NBEA: variants seen among roughly 807,000 people sequenced by gnomAD.
The protein encoded by NBEA is neurobeachin, also known as lysosomal-trafficking regulator 2.
NBEA carries 44 observed loss-of-function variants against 343.4 expected under a neutral mutation model. The observed-to-expected ratio is 0.13, with a 90% CI of 0.10 to 0.16. The LOEUF is 0.16. Ranked by LOEUF, NBEA falls within the 10% of genes least tolerant of loss-of-function variation. The probability of loss-of-function intolerance (pLI) is 1.00; values close to 1 mark genes in which losing one functional copy is unlikely to be tolerated. For missense variants in NBEA, 2,555 were observed against 3,631.3 expected (o/e 0.70, Z 7.62); for synonymous variants, 1,175 against 1,238.7 (o/e 0.95, Z 1.08).
At chr13:35,029,023 A>C (rs2062110096) in intron 1 of NBEA, among the ~76,000 whole-genome samples, 1 of 151,642 alleles carries the variant, frequency 6.6e-6, no homozygotes, top group Non-Finnish European at 1.5e-5. Context: ...ATTTTTAATA[A>C]TTAAGACTGT....
intron 10 of NBEA, among the ~76,000 whole-genome samples, chr13:35,084,532 A>G (rs2064622152): frequency 6.6e-6 from 1 of 152,208 alleles, no homozygotes; most frequent in Non-Finnish European, 1.5e-5. Flanking sequence ...CTTTGAAACC[A>G]ACGAGGACAA....
chr13:35,387,693 G>A (rs1035934150), intron 38 of NBEA, among the ~76,000 whole-genome samples: 5 of 152,022 alleles, frequency 3.3e-5, no homozygotes, highest in African/African-American at 1.2e-4. Context: ...GCCTGAAAAG[G>A]TATTGATTGT....
At chr13:35,665,874 C>A (rs1253284642) in intron 56 of NBEA, among the ~76,000 whole-genome samples, 2 of 152,130 alleles carry the variant, frequency 1.3e-5, no homozygotes, top group Non-Finnish European at 2.9e-5. Context: ...GTGATCCACC[C>A]ACCTCAGCCT....
intron 47 of NBEA, among the ~76,000 whole-genome samples, chr13:35,599,252 G>A (rs1299477611): frequency 2.0e-5 from 3 of 152,084 alleles, no homozygotes; most frequent in Non-Finnish European, 4.4e-5. Flanking sequence ...TATTACTTTA[G>A]CACTCCACTT....
At position 34,986,188 on chromosome 13, in the gene NBEA, C is replaced by T. The variant is rs185558658; in HGVS notation, c.294+43074C>T. Reference sequence around the variant, plus strand: ...TGGGCATTTAGTGCTATAAATTTCCCTCTACACACTGCTTTAAATGTGCCA... The same window carrying T: ...TGGGCATTTAGTGCTATAAATTTCCTTCTACACACTGCTTTAAATGTGCCA... On this transcript the variant is annotated intron_variant, in intron 1 of 58. Transcript: ENST00000379939. 5.3e-5 allele frequency among the ~76,000 whole-genome samples: 8 copies of T among 150,746 alleles called. 1 individual carries two copies. The highest frequency in any genetic ancestry group is 2.0e-4 in the Admixed American group (3 of 15,124).
intron 46 of NBEA, among the ~76,000 whole-genome samples, chr13:35,590,578 G>T (rs2081488375): frequency 6.6e-6 from 1 of 152,026 alleles, no homozygotes; most frequent in Non-Finnish European, 1.5e-5. Context: ...AACTAGACAG[G>T]ATTTTGTAAT....
intron 16 of NBEA, among the ~76,000 whole-genome samples, chr13:35,120,116 C>T (rs2066713478): frequency 6.6e-6 from 1 of 152,168 alleles, no homozygotes; most frequent in Non-Finnish European, 1.5e-5. Flanking sequence ...ATCCACATTA[C>T]TCTTGTAGAA....
At chr13:35,189,561 A>C (rs2072016259) in intron 30 of NBEA, among the ~76,000 whole-genome samples, 1 of 152,030 alleles carries the variant, frequency 6.6e-6, no homozygotes, top group African/African-American at 2.4e-5. Flanking sequence ...GAAAAAGAGT[A>C]AAAACAAGCT....
chr13:35,667,401 C>A lies in NBEA; in HGVS notation c.8492C>A (p.Thr2831Asn), dbSNP rs1319144252. 1 of 1,613,960 alleles carries A rather than the reference C, an allele frequency of 6.2e-7. No individual in the cohort carries two copies. The highest frequency in any genetic ancestry group is 2.2e-5 in the East Asian group (1 of 44,874). Residue 2831 changes from threonine to asparagine, a missense_variant, in exon 57 of 59, where the codon ACT becomes AAT. Thr to Asn is a moderately conservative substitution (Grantham distance 65, BLOSUM62 0). Around this residue, in one of 21 missense-constraint regions of NBEA, gnomAD observed 186 missense variants for 328.9 expected, o/e 0.57. Transcript: ENST00000379939. ...KEGPCLVHTI[T>N]GDLLRALEGP... ...GGCCCTTGCCTTGTCCACACCATCA[C>A]TGGAGATTTGCTGAGAGCCCTTGAA...
In NBEA at chr13:35,424,760, C is replaced by G. The variant is rs370016130; in HGVS notation, c.6180-7509C>G. On this transcript the variant is annotated intron_variant, in intron 38 of 58. Coordinates refer to ENST00000379939, the MANE Select transcript of NBEA (RefSeq NM_001385012.1). ...TCCTTGTACCTCTGGTAGAATTCGGCTGTGAATCCATCTGGTCCTGGACTT... is the reference window on the plus strand; with the variant it reads ...TCCTTGTACCTCTGGTAGAATTCGGGTGTGAATCCATCTGGTCCTGGACTT... Among the ~76,000 whole-genome samples the G allele has an allele frequency of 1.7e-4, 26 of 152,264 alleles. No individual in the cohort carries two copies. The East Asian group carries it at 2.1e-3, about 12-fold the overall frequency.
chr13:35,566,326 A>G (rs754495825), intron 44 of NBEA, among the ~76,000 whole-genome samples: 2 of 152,054 alleles, frequency 1.3e-5, no homozygotes, highest in African/African-American at 4.8e-5. Flanking sequence ...GCGCCATTGC[A>G]CTCCAGCCTG....
intron 1 of NBEA, among the ~76,000 whole-genome samples, chr13:35,019,215 T>C (rs1475687219): frequency 6.6e-6 from 1 of 152,020 alleles, no homozygotes; most frequent in African/African-American, 2.4e-5. Context: ...TTTTCTTTTC[T>C]TTGAAATGGT....
At chr13:35,442,166 G>C (rs2045774810) in intron 39 of NBEA, among the ~76,000 whole-genome samples, 1 of 151,996 alleles carries the variant, frequency 6.6e-6, no homozygotes, top group Admixed American at 6.6e-5. Context: ...TCATTTTCAT[G>C]TATTTATTTC....
chr13:35,288,734 ATG>A (rs2035601387), intron 34 of NBEA, among the ~76,000 whole-genome samples: 2 of 152,066 alleles, frequency 1.3e-5, no homozygotes, highest in South Asian at 4.1e-4. Context: ...CATACACAAA[ATG>A]TATGCGAATA....
chr13:35,276,285 G>A (rs997943854), intron 34 of NBEA, among the ~76,000 whole-genome samples: 2 of 151,518 alleles, frequency 1.3e-5, no homozygotes, highest in African/African-American at 4.9e-5. Context: ...TTTTAAATGC[G>A]AACCAGGAAA....
intron 17 of NBEA, among the ~76,000 whole-genome samples, chr13:35,127,352 G>T (rs2067187457): frequency 6.6e-6 from 1 of 152,158 alleles, no homozygotes; most frequent in African/African-American, 2.4e-5. Context: ...GGGGAATAAA[G>T]TCCAACCAAC....
At chr13:35,403,048 A>G (rs1366993038) in intron 38 of NBEA, among the ~76,000 whole-genome samples, 1 of 152,102 alleles carries the variant, frequency 6.6e-6, no homozygotes, top group Non-Finnish European at 1.5e-5. Context: ...ATCCATAAGC[A>G]TGTTTAACAC....
In NBEA at chr13:35,155,953, T is replaced by G. The variant is rs565108003; in HGVS notation, c.2527+98T>G. 82 of 1,480,108 alleles carry G rather than the reference T, an allele frequency of 5.5e-5. No individual in the cohort carries two copies. In the African/African-American group the frequency reaches 7.1e-4, roughly 13 times the overall value. The allele number at this position is 1,480,108 out of a possible 1,614,324, so 91.7% of individuals were successfully genotyped here. Reference sequence around the variant, plus strand: ...CCTAACCCCTTAAATCATTATGGTGTTTACCTAGTTCATGACAGTTTTAAC... The same window carrying G: ...CCTAACCCCTTAAATCATTATGGTGGTTACCTAGTTCATGACAGTTTTAAC... On this transcript the variant is annotated intron_variant, in intron 19 of 58. Coordinates refer to ENST00000379939, the MANE Select transcript of NBEA (RefSeq NM_001385012.1).
chr13:35,493,049 T>G (rs1447123936), intron 41 of NBEA, among the ~76,000 whole-genome samples: 1 of 151,908 alleles, frequency 6.6e-6, no homozygotes, highest in Non-Finnish European at 1.5e-5. Flanking sequence ...ATTTTAAGAT[T>G]AAGGTACAGA....
Sources: allele counts gnomAD v4.1 joint callset (sites outside exome capture counted in the v4.1 genomes callset), GRCh38; gene constraint gnomAD v4.1.1; regional missense constraint gnomAD v4.1.1; transcripts MANE v1.5; gene names NCBI Gene and HGNC (gene_info 2026-07-23, HGNC 2026-07-21).